Variants in TP63 observed in about 807,000 individuals in gnomAD.
TP63 encodes the protein tumor protein 63.
TP63 carries 17 observed loss-of-function variants against 82.8 expected under a neutral mutation model. The ratio of observed to expected loss-of-function variants is 0.21; its 90% confidence interval spans 0.14 to 0.31. The LOEUF (loss-of-function observed/expected upper bound fraction) is 0.31. Ranked by LOEUF, TP63 falls within the 10% of genes least tolerant of loss-of-function variation. TP63 has a pLI of 1.00. For missense variants in TP63, 648 were observed against 895.3 expected (o/e 0.72, Z 3.52); for synonymous variants, 330 against 321.7 (o/e 1.03, Z -0.28).
At position 189,648,252 on chromosome 3, in the gene TP63, ATTCCTAGT is replaced by A. The variant is rs1416347909; in HGVS notation, c.62+16679_62+16686del. 1.4e-5 allele frequency among the ~76,000 whole-genome samples: 2 copies of A among 147,076 alleles called. 1 individual carries two copies. Among genetic ancestry groups the A allele is most frequent in the African/African-American group, 5.1e-5 (2 of 39,192 alleles). ...ACCCCCTTCCCTTCACACATTCTCA[ATTCCTAGT>A]TTCTTATTTATGTTATTTTGTCCAT... is the stretch of plus-strand genomic sequence containing the variant. On this transcript the variant is annotated intron_variant, in intron 1 of 13. Transcript: ENST00000264731.
chr3:189,858,607 T>G (rs1034607129), intron 4 of TP63, among the ~76,000 whole-genome samples: 3 of 152,046 alleles, frequency 2.0e-5, no homozygotes, highest in Non-Finnish European at 2.9e-5. Context: ...AGACCCCATC[T>G]CTACAAAAAA....
intron 3 of TP63, among the ~76,000 whole-genome samples, chr3:189,807,871 T>C (rs892512861): frequency 2.6e-5 from 4 of 152,196 alleles, no homozygotes; most frequent in African/African-American, 4.8e-5. Flanking sequence ...AAGTGGTCTT[T>C]CTCATTTTGT....
intron 4 of TP63, among the ~76,000 whole-genome samples, chr3:189,819,429 T>C (rs539425612): frequency 2.0e-5 from 3 of 152,244 alleles, no homozygotes; most frequent in African/African-American, 7.2e-5. Flanking sequence ...TATCTCCTAA[T>C]GCTATCCCTC....
chr3:189,793,715 A>G (rs995981527), intron 3 of TP63, among the ~76,000 whole-genome samples: 2 of 152,190 alleles, frequency 1.3e-5, no homozygotes. Flanking sequence ...TTTTATGTCA[A>G]CAAATAGAAT....
rs768589955 is a variant in TP63, at chr3:189,886,398, T to G, written c.1354T>G (p.Ser452Ala). 6.2e-7 allele frequency: 1 copy of G among 1,614,038 alleles called. No individual in the cohort carries two copies. Among genetic ancestry groups the G allele is most frequent in the Non-Finnish European group, 8.5e-7 (1 of 1,179,980 alleles). The change falls in exon 11 of 14, where the codon TCA (serine) becomes GCA (alanine). Residue 452 changes from serine (S) to alanine (A), a missense_variant. Physicochemically the swap from Ser to Ala is moderately conservative, Grantham distance 99. Coordinates refer to ENST00000264731, the MANE Select transcript of TP63 (RefSeq NM_003722.5). ...TTTCCATGTTTGTCTTCCTAGGACC[T>G]CAATACAGTCTCCATCTTCATATGG... ...QHQHLLQKQT[S>A]IQSPSSYGNS...
chr3:189,729,960 A>G (rs1342274203), intron 1 of TP63, among the ~76,000 whole-genome samples: 1 of 152,216 alleles, frequency 6.6e-6, no homozygotes, highest in Non-Finnish European at 1.5e-5. Flanking sequence ...ATGGCAGGGT[A>G]AATTCTAAGT....
intron 3 of TP63, among the ~76,000 whole-genome samples, chr3:189,784,091 C>A (rs1406105793): frequency 6.6e-6 from 1 of 151,932 alleles, no homozygotes; most frequent in Non-Finnish European, 1.5e-5. Context: ...AGTTGACTTT[C>A]ATTTTTTATT....
chr3:189,661,304 T>C (rs976381610), intron 1 of TP63, among the ~76,000 whole-genome samples: 2 of 152,000 alleles, frequency 1.3e-5, no homozygotes, highest in African/African-American at 4.8e-5. Context: ...TTTATCTAAA[T>C]CTTTCTCCAC....
chr3:189,674,942 C>T (rs1453497938), intron 1 of TP63, among the ~76,000 whole-genome samples: 2 of 152,046 alleles, frequency 1.3e-5, no homozygotes, highest in East Asian at 3.9e-4. Flanking sequence ...TCAGCATTGA[C>T]AAAATCATGT....
the TP63 span, among the ~76,000 whole-genome samples, chr3:189,617,388 T>C: frequency 6.6e-6 from 1 of 152,318 alleles, no homozygotes; most frequent in South Asian, 2.1e-4. Flanking sequence ...CTGATCCTCT[T>C]TTATCATGAG....
chr3:189,660,400 A>G (rs1461413918), intron 1 of TP63, among the ~76,000 whole-genome samples: 4 of 151,794 alleles, frequency 2.6e-5, no homozygotes, highest in Admixed American at 6.6e-5. Context: ...TGTTCCATGA[A>G]TGTATGTGTC....
intron 1 of TP63, among the ~76,000 whole-genome samples, chr3:189,693,653 G>A (rs1415933763): frequency 6.6e-6 from 1 of 152,178 alleles, no homozygotes; most frequent in African/African-American, 2.4e-5. Flanking sequence ...GTAGATATTA[G>A]GCCTTATGTT....
At chr3:189,598,492 T>A in the TP63 span, among the ~76,000 whole-genome samples, 3 of 152,138 alleles carry the variant, frequency 2.0e-5, no homozygotes, top group East Asian at 5.8e-4. Flanking sequence ...CTCCCTGAAC[T>A]TCAAGCAGGC....
At chr3:189,868,886 C>T (rs540650609) in intron 8 of TP63, among the ~76,000 whole-genome samples, 170 bp downstream of exon 8, 1 of 152,276 alleles carries the variant, frequency 6.6e-6, no homozygotes, top group South Asian at 2.1e-4. Flanking sequence ...GGACTCCAGG[C>T]ATGTACTACA....
chr3:189,818,883 C>T (rs1449796068), intron 4 of TP63, among the ~76,000 whole-genome samples: 1 of 152,118 alleles, frequency 6.6e-6, no homozygotes, highest in Non-Finnish European at 1.5e-5. Flanking sequence ...GGGGAAACTT[C>T]TAGACCTTTG....
intron 11 of TP63, 58 bp downstream of exon 11, chr3:189,886,609 A>C: frequency 6.2e-7 from 1 of 1,605,590 alleles, no homozygotes; most frequent in Admixed American, 1.7e-5. Context: ...TTAGGACAAG[A>C]CTCTGTGATG....
intron 6 of TP63, among the ~76,000 whole-genome samples, chr3:189,867,063 A>G (rs1157712324): frequency 6.6e-6 from 1 of 152,168 alleles, no homozygotes; most frequent in Non-Finnish European, 1.5e-5. Flanking sequence ...TGAACTGGCA[A>G]TTGGGTGTAT....
At chr3:189,844,595 CA>C (rs1714618436) in intron 4 of TP63, among the ~76,000 whole-genome samples, 1 of 152,122 alleles carries the variant, frequency 6.6e-6, no homozygotes, top group Admixed American at 6.5e-5. Flanking sequence ...ACTTTTTAAA[CA>C]TTACATTTTT....
At chr3:189,839,161 A>G (rs1713616264) in intron 4 of TP63, among the ~76,000 whole-genome samples, 1 of 151,682 alleles carries the variant, frequency 6.6e-6, no homozygotes. Flanking sequence ...TTTAAATCCT[A>G]TTATATTTAC....
Sources: allele counts gnomAD v4.1 joint callset (sites outside exome capture counted in the v4.1 genomes callset), GRCh38; gene constraint gnomAD v4.1.1; transcripts MANE v1.5; gene names NCBI Gene and HGNC (gene_info 2026-07-23, HGNC 2026-07-21).